IL7: variants seen among roughly 807,000 people sequenced by gnomAD.
IL7 encodes interleukin 7.
A neutral mutation model predicts 21.6 loss-of-function variants in IL7; 3 were observed. The observed-to-expected ratio is 0.14, with a 90% CI of 0.06 to 0.36. The LOEUF (loss-of-function observed/expected upper bound fraction) is 0.36. Among genes scored for constraint, IL7 ranks in the 10% least tolerant of loss-of-function variants. IL7 has a pLI of 1.00. For synonymous variants in IL7, 62 were observed against 68.1 expected (o/e 0.91, Z 0.44); for missense variants, 175 against 200.2 (o/e 0.87, Z 0.76).
intron 3 of IL7, among the ~76,000 whole-genome samples, chr8:78,696,605 C>A (rs1375557871): frequency 6.6e-6 from 1 of 152,106 alleles, no homozygotes; most frequent in African/African-American, 2.4e-5. Context: ...ATAAAGATGT[C>A]TCTTTAGAGG....
chr8:78,784,264 T>C (rs1813436861), intron 2 of IL7, among the ~76,000 whole-genome samples: 1 of 152,120 alleles, frequency 6.6e-6, no homozygotes, highest in Admixed American at 6.6e-5. Flanking sequence ...CACGTGAAGA[T>C]ATGAGAAGCT....
At chr8:78,687,457 C>T (rs1392634546) in intron 3 of IL7, among the ~76,000 whole-genome samples, 2 of 143,370 alleles carry the variant, frequency 1.4e-5, no homozygotes, top group African/African-American at 5.1e-5. Flanking sequence ...ACTATATATA[C>T]ATAATTATAT....
intron 2 of IL7, among the ~76,000 whole-genome samples, chr8:78,767,154 G>T (rs1812780626): frequency 6.6e-6 from 1 of 151,686 alleles, no homozygotes; most frequent in African/African-American, 2.4e-5. Flanking sequence ...TTATATAAGG[G>T]ATTAAAAAAA....
intron 3 of IL7, among the ~76,000 whole-genome samples, chr8:78,696,844 C>A (rs1314219642): frequency 6.6e-6 from 1 of 152,166 alleles, no homozygotes; most frequent in African/African-American, 2.4e-5. Context: ...TATAAAAACA[C>A]ATCCAGGAAC....
At chr8:78,719,384 C>A (rs573147398) in intron 5 of IL7, 2 of 151,498 alleles carry the variant, frequency 1.3e-5, no homozygotes, top group Non-Finnish European at 3.0e-5. Flanking sequence ...TCATCTAGTT[C>A]CAGAGCCCAG....
intron 3 of IL7, chr8:78,712,139 T>A: frequency 8.4e-7 from 1 of 1,194,234 alleles, no homozygotes; most frequent in Non-Finnish European, 1.1e-6. Context: ...GGTTAATATT[T>A]TTCAGATATT....
At chr8:78,695,333 A>G (rs1810363856) in intron 3 of IL7, among the ~76,000 whole-genome samples, 1 of 152,160 alleles carries the variant, frequency 6.6e-6, no homozygotes, top group Admixed American at 6.5e-5. Context: ...GGAAGCCATT[A>G]AGTTGTTAAT....
intron 3 of IL7, among the ~76,000 whole-genome samples, chr8:78,686,134 T>A (rs1407776669): frequency 2.0e-5 from 3 of 152,204 alleles, no homozygotes; most frequent in Admixed American, 2.0e-4. Flanking sequence ...CTCGTACTAC[T>A]GTTATAATGG....
At chr8:78,801,744 C>T (rs575459164) in intron 1 of IL7, among the ~76,000 whole-genome samples, 1 of 152,314 alleles carries the variant, frequency 6.6e-6, no homozygotes, top group Non-Finnish European at 1.5e-5. Context: ...ACCTGGTCCT[C>T]CAAATGCAGA....
At chr8:78,760,386 G>T in intron 2 of IL7, 1 of 1,609,084 alleles carries the variant, frequency 6.2e-7, no homozygotes, top group Non-Finnish European at 8.5e-7. Flanking sequence ...AGGACCTTCA[G>T]CAATGCATAC....
At chr8:78,762,221 C>T in intron 2 of IL7, 1 of 1,580,642 alleles carries the variant, frequency 6.3e-7, no homozygotes, top group East Asian at 2.2e-5. Context: ...AGGACCAGTT[C>T]TACAGATCAT....
intron 5 of IL7, among the ~76,000 whole-genome samples, chr8:78,735,260 A>AGTT (rs10633681): frequency 0.45 from 57,311 of 127,944 alleles, 14,481 homozygotes; most frequent in African/African-American, 0.71. Context: ...CTGGGAAAAT[A>AGTT]GTTATCTTTT....
chr8:78,689,743 T>C (rs1586000130), intron 3 of IL7, among the ~76,000 whole-genome samples: 1 of 152,282 alleles, frequency 6.6e-6, no homozygotes, highest in Non-Finnish European at 1.5e-5. Context: ...AAGAATATTT[T>C]CTCCCATCCT....
chr8:78,677,844 T>C (rs1487760189), intron 4 of IL7, among the ~76,000 whole-genome samples: 1 of 152,308 alleles, frequency 6.6e-6, no homozygotes, highest in Middle Eastern at 3.4e-3. Flanking sequence ...AGTAAAGGAA[T>C]GAAAGAACGG....
rs984701264 is a variant in IL7 at position 78,733,463 on chromosome 8, A to G, written c.*250T>C. On this transcript the variant is annotated 3_prime_UTR_variant, in exon 6 of 6. Coordinates refer to ENST00000263851, the MANE Select transcript of IL7 (RefSeq NM_000880.4). ...CATGGATTGTCTTACAAAAATCAGTACAGAATTATACTGATTGATAAATGT... is the reference window on the plus strand; with the variant it reads ...CATGGATTGTCTTACAAAAATCAGTGCAGAATTATACTGATTGATAAATGT... 1.3e-5 allele frequency: 4 copies of G among 314,840 alleles called. No homozygotes were observed. In the South Asian group the frequency reaches 1.9e-4, roughly 15 times the overall value. The allele number at this position is 314,840 out of a possible 1,614,324, so 19.5% of individuals were successfully genotyped here.
chr8:78,735,319 G>GT (rs1811551485), intron 5 of IL7, among the ~76,000 whole-genome samples: 1 of 18,108 alleles, frequency 5.5e-5, no homozygotes, highest in South Asian at 1.6e-3. Flanking sequence ...TCTGTTTTTT[G>GT]TTTTTTGTTT....
intron 2 of IL7, among the ~76,000 whole-genome samples, chr8:78,741,239 G>T (rs934803800): frequency 6.6e-6 from 1 of 152,188 alleles, no homozygotes; most frequent in Non-Finnish European, 1.5e-5. Context: ...TCTGCAAGAA[G>T]TGTCTGAATA....
chr8:78,796,389 A>G (rs1813854314), intron 2 of IL7, among the ~76,000 whole-genome samples: 1 of 152,088 alleles, frequency 6.6e-6, no homozygotes, highest in Middle Eastern at 3.2e-3. Context: ...TGCTGAAAAG[A>G]ACAAAGCTCT....
intron 2 of IL7, among the ~76,000 whole-genome samples, chr8:78,741,631 A>C (rs2130697283): frequency 6.6e-6 from 1 of 152,346 alleles, no homozygotes; most frequent in Middle Eastern, 3.4e-3. Flanking sequence ...TAGGTTATTA[A>C]TAAAACTTAT....
Sources: allele counts gnomAD v4.1 joint callset (sites outside exome capture counted in the v4.1 genomes callset), GRCh38; gene constraint gnomAD v4.1.1; transcripts MANE v1.5; gene names NCBI Gene and HGNC (gene_info 2026-07-23, HGNC 2026-07-21).